Variants in VPS53 observed in about 807,000 individuals in gnomAD.
The protein encoded by VPS53 is vacuolar protein sorting-associated protein 53 homolog.
VPS53 carries 70 observed loss-of-function variants against 107.0 expected under a neutral mutation model. That is an observed-to-expected ratio of 0.65 (90% confidence interval 0.54 to 0.80). The LOEUF (loss-of-function observed/expected upper bound fraction) is 0.80. Ranked by LOEUF, VPS53 falls within the 30% of genes least tolerant of loss-of-function variation. The pLI is 0.00. For synonymous variants in VPS53, 409 were observed against 393.3 expected (o/e 1.04, Z -0.47); for missense variants, 917 against 1,049.4 (o/e 0.87, Z 1.74).
At chr17:560,920 T>A (rs1211835232) in intron 14 of VPS53, among the ~76,000 whole-genome samples, 1 of 152,220 alleles carries the variant, frequency 6.6e-6, no homozygotes, top group Non-Finnish European at 1.5e-5. Flanking sequence ...GAAAGATGGT[T>A]ACCTACCCTG....
At chr17:650,339 T>A (rs1314333261) in intron 7 of VPS53, among the ~76,000 whole-genome samples, 1 of 151,134 alleles carries the variant, frequency 6.6e-6, no homozygotes, top group Admixed American at 6.6e-5. Flanking sequence ...TACAGAAAAA[T>A]GTTAAAAATC....
chr17:694,292 T>C (rs1972871692), intron 4 of VPS53, among the ~76,000 whole-genome samples: 1 of 152,234 alleles, frequency 6.6e-6, no homozygotes, highest in Non-Finnish European at 1.5e-5. Flanking sequence ...TGCGGCAACC[T>C]GTAACCTATT....
At chr17:532,716 T>C in intron 19 of VPS53, 126 bp downstream of exon 19, 3 of 1,482,934 alleles carry the variant, frequency 2.0e-6, no homozygotes, top group Non-Finnish European at 2.7e-6. Context: ...GGTGAGTCAT[T>C]ATACTGTCCC....
intron 7 of VPS53, among the ~76,000 whole-genome samples, chr17:638,052 A>C (rs1190184137): frequency 1.3e-5 from 2 of 152,154 alleles, no homozygotes; most frequent in African/African-American, 4.8e-5. Context: ...TGGGAGTCTA[A>C]GTCTCTTTGT....
At chr17:686,158 A>T (rs768992399) in intron 4 of VPS53, among the ~76,000 whole-genome samples, 4 of 151,982 alleles carry the variant, frequency 2.6e-5, no homozygotes, top group Non-Finnish European at 4.4e-5. Context: ...ATCTCTACAA[A>T]AAGTGTTTTA....
chr17:650,483 C>T (rs1470163400), intron 7 of VPS53, among the ~76,000 whole-genome samples: 1 of 148,420 alleles, frequency 6.7e-6, no homozygotes, highest in Non-Finnish European at 1.5e-5. Context: ...GGCAACACAG[C>T]AAGACTCCGT....
Position 642,956 on chromosome 17 carries a change from A to AAC in VPS53, c.608+10333_608+10334dup, listed in dbSNP as rs1169689910. On this transcript the variant is annotated intron_variant, in intron 7 of 21. Coordinates refer to ENST00000437048, the MANE Select transcript of VPS53 (RefSeq NM_001128159.3). Reference sequence around the variant, plus strand: ...ACACTCATACTTGGCAACCGAGGACAACTCTCATACTTGGAAAGCGAGGAC... The same window carrying AAC: ...ACACTCATACTTGGCAACCGAGGACAACACTCTCATACTTGGAAAGCGAGGAC... Among the ~76,000 whole-genome samples, 59 of 109,198 alleles carry AAC rather than the reference A, an allele frequency of 5.4e-4. 17 individuals are homozygous for AAC. The highest frequency in any genetic ancestry group is 7.4e-4 in the South Asian group (2 of 2,710). The allele number at this position is 109,198 out of a possible 152,430, so 71.6% of individuals were successfully genotyped here.
intron 8 of VPS53, among the ~76,000 whole-genome samples, chr17:630,417 A>C (rs2143142362): frequency 6.6e-6 from 1 of 152,206 alleles, no homozygotes; most frequent in East Asian, 1.9e-4. Context: ...ATCCCTTTTC[A>C]CTTCTTTGAC....
intron 4 of VPS53, among the ~76,000 whole-genome samples, chr17:663,537 G>C (rs1445441395): frequency 1.3e-5 from 2 of 152,172 alleles, no homozygotes; most frequent in Non-Finnish European, 2.9e-5. Context: ...AAGTACCTGT[G>C]AGTGCCAGCA....
chr17:696,791 C>CTTTTTTTT (rs67948585), intron 4 of VPS53, among the ~76,000 whole-genome samples: 2 of 113,798 alleles, frequency 1.8e-5, no homozygotes, highest in Admixed American at 1.1e-4. Flanking sequence ...ACTTATAAAA[C>CTTTTTTTT]TTTTTTTTTT....
At chr17:605,346 C>T (rs1282490983) in intron 11 of VPS53, among the ~76,000 whole-genome samples, 6 of 152,130 alleles carry the variant, frequency 3.9e-5, no homozygotes, top group Non-Finnish European at 4.4e-5. Flanking sequence ...GAGGAGATGA[C>T]GGCTGAGCTG....
intron 2 of VPS53, 90 bp downstream of exon 2, chr17:710,443 C>A (rs1276371744): frequency 6.2e-6 from 6 of 960,904 alleles, no homozygotes; most frequent in Non-Finnish European, 1.0e-5. Context: ...GTATCAAGGG[C>A]CCGTAGATGA....
chr17:661,678 G>T, intron 5 of VPS53, 131 bp downstream of exon 5: 2 of 805,118 alleles, frequency 2.5e-6, no homozygotes, highest in Non-Finnish European at 3.9e-6. Context: ...TAGGGGGCTT[G>T]CTTTAGAGAT....
At chr17:554,997 T>C (rs1325515121) in intron 15 of VPS53, among the ~76,000 whole-genome samples, 2 of 152,216 alleles carry the variant, frequency 1.3e-5, no homozygotes, top group Non-Finnish European at 2.9e-5. Flanking sequence ...AGTTATTTAG[T>C]GAACAAAACA....
At chr17:705,279 A>G (rs1223422282) in intron 2 of VPS53, among the ~76,000 whole-genome samples, 1 of 152,154 alleles carries the variant, frequency 6.6e-6, no homozygotes, top group African/African-American at 2.4e-5. Context: ...CTGGCTACCT[A>G]GAAACCAGTT....
intron 12 of VPS53, among the ~76,000 whole-genome samples, chr17:588,583 T>C (rs1049218834): frequency 1.3e-5 from 2 of 152,242 alleles, no homozygotes; most frequent in Admixed American, 1.3e-4. Flanking sequence ...CTTAACCCTC[T>C]TCCCTTTTTA....
intron 8 of VPS53, 31 bp downstream of exon 8, chr17:631,519 C>T (rs371045182): frequency 3.7e-6 from 6 of 1,608,838 alleles, no homozygotes; most frequent in Non-Finnish European, 5.1e-6. Context: ...TGGTGATCAT[C>T]TCTAAAGACT....
At chr17:695,374 T>C (rs533933019) in intron 4 of VPS53, among the ~76,000 whole-genome samples, 18 of 152,108 alleles carry the variant, frequency 1.2e-4, no homozygotes, top group Middle Eastern at 3.4e-3. Context: ...GATTGGGAAA[T>C]GCGGCGGCTT....
At chr17:595,587 G>A (rs369040429) in intron 12 of VPS53, among the ~76,000 whole-genome samples, 9 of 25,864 alleles carry the variant, frequency 3.5e-4, no homozygotes, top group South Asian at 3.4e-3. Flanking sequence ...CAATTTCCTG[G>A]TTTGATGATG....
Sources: gnomAD v4.1 joint callset for allele counts (sites outside exome capture counted in the v4.1 genomes callset) on GRCh38, gnomAD v4.1.1 for gene constraint, MANE v1.5 for transcripts, NCBI Gene and HGNC (gene_info 2026-07-23, HGNC 2026-07-21) for gene names.